Variants in DHRS7C observed in about 807,000 individuals in gnomAD.
DHRS7C encodes dehydrogenase/reductase SDR family member 7C.
Under a neutral mutation model 29.6 loss-of-function variants are expected in DHRS7C, and 28 were observed. The observed-to-expected ratio is 0.95, with a 90% CI of 0.70 to 1.30. DHRS7C has a LOEUF of 1.30. Ranked by LOEUF, DHRS7C falls within the 50% of genes most tolerant of loss-of-function variation. The pLI is 0.00. For synonymous variants in DHRS7C, 158 were observed against 160.2 expected, an observed-to-expected ratio of 0.99 and a Z score of 0.10; for missense variants, 403 against 393.3, an observed-to-expected ratio of 1.02 and a Z score of -0.21.
At chr17:9,779,295 C>A (rs932862918) in intron 3 of DHRS7C, among the ~76,000 whole-genome samples, 2 of 152,158 alleles carry the variant, frequency 1.3e-5, no homozygotes, top group Non-Finnish European at 2.9e-5. Flanking sequence ...CCATCTTACT[C>A]ATTAAAGGGA....
chr17:9,787,630 T>G (rs1694360125), intron 1 of DHRS7C, among the ~76,000 whole-genome samples: 1 of 152,188 alleles, frequency 6.6e-6, no homozygotes, highest in South Asian at 2.1e-4. Flanking sequence ...GAGCCCTTCT[T>G]TCTGTATTTC....
intron 1 of DHRS7C, chr17:9,782,905 A>AT (rs2152017494): frequency 6.6e-6 from 1 of 152,322 alleles, no homozygotes; most frequent in South Asian, 2.1e-4. Context: ...GGGTTGTGTG[A>AT]TTTTCTCCAG....
chr17:9,777,235 T>A lies in DHRS7C; in HGVS notation c.529A>T (p.Asn177Tyr). 1 of 1,613,812 alleles carries A rather than the reference T, an allele frequency of 6.2e-7. No individual in the cohort carries two copies. The highest frequency in any genetic ancestry group is 8.5e-7 in the Non-Finnish European group (1 of 1,179,834). ...SRRTGQIVLVNNIQGKFGIPF... is the reference protein window; with the variant it reads ...SRRTGQIVLVYNIQGKFGIPF... ...ATTCCAAACTTCCCTTGGATATTAT[T>A]CACTAACACGATTTGGCCTGTTCTC... The change falls in exon 4 of 6, where the codon AAT becomes TAT. Residue 177 changes from asparagine (N) to tyrosine (Y), a missense_variant. Coordinates refer to ENST00000571134, the MANE Select transcript of DHRS7C (RefSeq NM_001105571.3).
chr17:9,771,752 C>A, intron 5 of DHRS7C, 56 bp from the exon 6 acceptor site: 1 of 1,340,604 alleles, frequency 7.5e-7, no homozygotes, highest in Non-Finnish European at 9.6e-7. Context: ...CCCGGCTGGT[C>A]AGAGCCCTGC....
chr17:9,783,955 G>GT (rs375176596), intron 1 of DHRS7C, among the ~76,000 whole-genome samples: 238 of 137,530 alleles, frequency 1.7e-3, no homozygotes, highest in East Asian at 3.9e-3. Flanking sequence ...TTGTTTTTTT[G>GT]TTTTTTTTTT....
At chr17:9,777,045 C>T in intron 4 of DHRS7C, 148 bp downstream of exon 4, 1 of 626,498 alleles carries the variant, frequency 1.6e-6, no homozygotes, top group East Asian at 3.1e-5. Flanking sequence ...AAAATAGGAA[C>T]CATAGGGATG....
In DHRS7C at chr17:9,772,724, T is replaced by C. The variant is rs1284078584; in HGVS notation, c.727+43A>G. On this transcript the variant is annotated intron_variant, in intron 5 of 5. Coordinates refer to ENST00000571134, the MANE Select transcript of DHRS7C (RefSeq NM_001105571.3). ...CATCCCCCCAGTGACACCGGACTGT[T>C]CCCGAGGCCCCCAGGGGCCCCAGCT... The C allele has an allele frequency of 5.6e-6, 9 of 1,606,932 alleles. No homozygotes were observed. The Admixed American group carries it at 1.3e-4, about 24-fold the overall frequency.
intron 1 of DHRS7C, among the ~76,000 whole-genome samples, chr17:9,783,756 A>G (rs1053113346): frequency 1.3e-5 from 2 of 152,108 alleles, no homozygotes; most frequent in African/African-American, 4.8e-5. Context: ...ACTTGAGGTC[A>G]GGAGTTGGAG....
chr17:9,785,692 C>A (rs1363678435), intron 1 of DHRS7C, among the ~76,000 whole-genome samples: 1 of 152,218 alleles, frequency 6.6e-6, no homozygotes, highest in East Asian at 1.9e-4. Context: ...CTCTGAAAGG[C>A]ACATGAAAGT....
At chr17:9,785,986 C>G (rs1171795876) in intron 1 of DHRS7C, among the ~76,000 whole-genome samples, 2 of 151,988 alleles carry the variant, frequency 1.3e-5, no homozygotes, top group African/African-American at 4.8e-5. Flanking sequence ...AATCAATGCT[C>G]TGTTTCGGGA....
intron 2 of DHRS7C, among the ~76,000 whole-genome samples, chr17:9,780,257 G>A (rs1017492458): frequency 2.6e-5 from 4 of 151,998 alleles, no homozygotes; most frequent in Admixed American, 6.5e-5. Context: ...ATCTTGACAC[G>A]AATATGCAGC....
intron 3 of DHRS7C, among the ~76,000 whole-genome samples, chr17:9,778,829 A>G (rs1278937290): frequency 6.6e-6 from 1 of 151,864 alleles, no homozygotes; most frequent in Non-Finnish European, 1.5e-5. Flanking sequence ...AGGACACCCC[A>G]CTCCCTAAAT....
chr17:9,771,896 G>A (rs552545279), intron 5 of DHRS7C, among the ~76,000 whole-genome samples, 200 bp from the exon 6 acceptor site: 1 of 152,364 alleles, frequency 6.6e-6, no homozygotes, highest in South Asian at 2.1e-4. Context: ...CTGCGTCTTC[G>A]TCTATAGGAT....
intron 1 of DHRS7C, among the ~76,000 whole-genome samples, chr17:9,785,805 T>A (rs576708097): frequency 6.6e-6 from 1 of 152,132 alleles, no homozygotes; most frequent in African/African-American, 2.4e-5. Flanking sequence ...TTTTTCTCGC[T>A]CTCCTATCTT....
rs201098406 is a variant in DHRS7C, at chr17:9,772,857, C to T, written c.637G>A (p.Asp213Asn). ...DCLRAEVEEY[D>N]VVISTVSPTF... The stretch of plus-strand genomic sequence containing the variant: ...GGGCTCACGGTGCTGATGACAACAT[C>T]GTATTCCTCCACTTCGGCTCGGAGG... The change falls in exon 5 of 6, where the codon GAT becomes AAT. Residue 213 changes from aspartate (D) to asparagine (N), a missense_variant. Coordinates refer to ENST00000571134, the MANE Select transcript of DHRS7C (RefSeq NM_001105571.3). 152 of 1,613,940 alleles carry T rather than the reference C, an allele frequency of 9.4e-5. 1 individual carries two copies. In the African/African-American group the frequency reaches 1.6e-3, roughly 17 times the overall value.
rs989588869 is a variant in DHRS7C at position 9,791,502 on chromosome 17, C to T, written c.-218G>A. ...GCAGACCGAATCCAGGGGGCCTGCC[C>T]TCCCCAGTGGTTAATTACAAACTTA... On this transcript the variant is annotated 5_prime_UTR_variant, in exon 1 of 6. Transcript: ENST00000571134. Among the ~76,000 whole-genome samples, 2 of 152,228 alleles carry T rather than the reference C, an allele frequency of 1.3e-5. No homozygotes were observed. Among genetic ancestry groups the T allele is most frequent in the African/African-American group, 4.8e-5 (2 of 41,464 alleles).
chr17:9,777,151 A>G (rs1280872450), intron 4 of DHRS7C, 42 bp downstream of exon 4: 1 of 1,527,622 alleles, frequency 6.5e-7, no homozygotes, highest in East Asian at 2.3e-5. Context: ...ATACCATAAG[A>G]CATACAACAG....
intron 1 of DHRS7C, among the ~76,000 whole-genome samples, chr17:9,789,110 T>G (rs1365846449): frequency 2.6e-5 from 4 of 152,180 alleles, no homozygotes; most frequent in Non-Finnish European, 5.9e-5. Context: ...TCAGTAAAAC[T>G]GTATTTCTAC....
At chr17:9,779,424 C>T (rs557868025) in intron 3 of DHRS7C, among the ~76,000 whole-genome samples, 2 of 152,280 alleles carry the variant, frequency 1.3e-5, no homozygotes, top group East Asian at 3.9e-4. Flanking sequence ...TTACCTTTGA[C>T]CAACTGTAAT....
Sources: gnomAD v4.1 joint callset for allele counts (sites outside exome capture counted in the v4.1 genomes callset) on GRCh38, gnomAD v4.1.1 for gene constraint, MANE v1.5 for transcripts, NCBI Gene and HGNC (gene_info 2026-07-23, HGNC 2026-07-21) for gene names.